The following RPS6KA2 variants were observed in gnomAD, a reference collection of about 807,000 sequenced individuals.
RPS6KA2 encodes ribosomal protein S6 kinase alpha-2.
In RPS6KA2, 42 loss-of-function variants were observed where a neutral mutation model predicts 91.8. That is an observed-to-expected ratio of 0.46 (90% CI 0.36 to 0.59). RPS6KA2 has a LOEUF of 0.59. Ranked by LOEUF, RPS6KA2 falls within the 20% of genes least tolerant of loss-of-function variation. RPS6KA2 has a pLI of 0.00. For synonymous variants in RPS6KA2, 414 were observed against 393.6 expected, an observed-to-expected ratio of 1.05 and a Z score of -0.61; for missense variants, 798 against 978.5, an observed-to-expected ratio of 0.82 and a Z score of 2.46.
intron 1 of RPS6KA2, among the ~76,000 whole-genome samples, chr6:166,572,686 C>A (rs1247563239): frequency 1.3e-5 from 2 of 152,204 alleles, no homozygotes; most frequent in African/African-American, 4.8e-5. Context: ...TGAACCTGGA[C>A]CAGCAAGGCC....
chr6:166,717,459 C>A (rs1027661091), intron 2 of RPS6KA2, among the ~76,000 whole-genome samples: 2 of 152,188 alleles, frequency 1.3e-5, no homozygotes, highest in African/African-American at 2.4e-5. Context: ...CTCTGCCACC[C>A]TGAGAATGGG....
intron 2 of RPS6KA2, among the ~76,000 whole-genome samples, chr6:166,781,524 G>A (rs987142092): frequency 1.3e-5 from 2 of 152,168 alleles, no homozygotes; most frequent in Admixed American, 6.5e-5. Context: ...CCCAAGTCAG[G>A]CAGGTTCACC....
intron 16 of RPS6KA2, among the ~76,000 whole-genome samples, chr6:166,430,185 G>A (rs1017619808): frequency 4.0e-5 from 6 of 151,796 alleles, no homozygotes; most frequent in Non-Finnish European, 7.4e-5. Flanking sequence ...GGCTAGGCTG[G>A]TCGCGAACTC....
chr6:166,850,672 C>T, intron 2 of RPS6KA2, among the ~76,000 whole-genome samples: 1 of 152,182 alleles, frequency 6.6e-6, no homozygotes, highest in East Asian at 1.9e-4. Flanking sequence ...GCCCCTGCGT[C>T]CTCCTCAGGA....
chr6:166,860,062 T>C (rs1446845513), intron 1 of RPS6KA2, among the ~76,000 whole-genome samples: 1 of 152,196 alleles, frequency 6.6e-6, no homozygotes, highest in Non-Finnish European at 1.5e-5. Context: ...CCATGCAACA[T>C]AAAACATGGA....
Position 166,498,537 on chromosome 6 carries a change from C to A in RPS6KA2, c.718G>T (p.Ala240Ser). The A allele has an allele frequency of 6.2e-7, 1 of 1,612,800 alleles. No individual in the cohort carries two copies. Among genetic ancestry groups the A allele is most frequent in the Non-Finnish European group, 8.5e-7 (1 of 1,179,756 alleles). The change falls in exon 8 of 21, where the codon GCC (alanine) becomes TCC (serine). Residue 240 changes from alanine to serine, a missense_variant. Physicochemically the swap from Ala to Ser is moderately conservative, Grantham distance 99. Coordinates refer to ENST00000265678, the MANE Select transcript of RPS6KA2 (RefSeq NM_021135.6). ...VVNRRGHTQS[A>S]DWWSFGVLMF... ...AGCACGCCGAAGGACCACCAGTCGG[C>A]ACTCTGCGTGTGTCCTCGCCGGTTC...
chr6:166,798,921 G>C (rs776177264), intron 2 of RPS6KA2, among the ~76,000 whole-genome samples: 1 of 152,210 alleles, frequency 6.6e-6, no homozygotes, highest in East Asian at 1.9e-4. Context: ...CAGTGACTAA[G>C]GAAACCAGCC....
In RPS6KA2 at chr6:166,852,691, T is replaced by C. The variant is rs1477584365; in HGVS notation, c.123+5509A>G. 2.0e-5 allele frequency among the ~76,000 whole-genome samples: 3 copies of C among 152,008 alleles called. No homozygotes were observed. Among genetic ancestry groups the C allele is most frequent in the African/African-American group, 7.2e-5 (3 of 41,402 alleles). On this transcript the variant is annotated intron_variant, in intron 2 of 21. Transcript: ENST00000503859. This position sits in a 1 kb window ranked among gnomAD's most constrained non-coding sequence, Gnocchi z 4.1. ...GCTCGGCAACTCCGGGAGCTGGGCA[T>C]TGGAGGAGGCCACGCTGACACGCTC...
intron 13 of RPS6KA2, among the ~76,000 whole-genome samples, chr6:166,449,777 C>T (rs1188029796): frequency 7.4e-6 from 1 of 135,626 alleles, no homozygotes; most frequent in Non-Finnish European, 1.6e-5. Flanking sequence ...GAGACCATTA[C>T]AGGGACCACC....
intron 2 of RPS6KA2, among the ~76,000 whole-genome samples, chr6:166,802,857 A>C (rs1779403432): frequency 6.6e-6 from 1 of 152,132 alleles, no homozygotes; most frequent in Non-Finnish European, 1.5e-5. Context: ...ATGTAACCAT[A>C]ATGTTAAATT....
intron 2 of RPS6KA2, among the ~76,000 whole-genome samples, chr6:166,661,398 G>T (rs1338656789): frequency 6.6e-6 from 1 of 152,198 alleles, no homozygotes; most frequent in Non-Finnish European, 1.5e-5. Context: ...CCGCTGTATG[G>T]CCAAAATCTT....
At chr6:166,453,757 T>G (rs1779994443) in intron 12 of RPS6KA2, among the ~76,000 whole-genome samples, 1 of 152,234 alleles carries the variant, frequency 6.6e-6, no homozygotes, top group South Asian at 2.1e-4. Flanking sequence ...CTTGGAAGCT[T>G]ACTGCAGCAC....
At chr6:166,833,753 T>G (rs1213259363) in intron 2 of RPS6KA2, among the ~76,000 whole-genome samples, 2 of 152,256 alleles carry the variant, frequency 1.3e-5, no homozygotes, top group African/African-American at 4.8e-5. Context: ...ACAATCTGTT[T>G]ATCTATTCAC....
At chr6:166,855,459 AGAG>A (rs60621796) in intron 2 of RPS6KA2, among the ~76,000 whole-genome samples, 20 of 144,788 alleles carry the variant, frequency 1.4e-4, no homozygotes, top group African/African-American at 4.4e-4. Context: ...AGGAAGAAGA[AGAG>A]GAAGAGGAAG....
intron 1 of RPS6KA2, among the ~76,000 whole-genome samples, chr6:166,625,314 A>G (rs1267829187): frequency 1.0e-5 from 1 of 99,226 alleles, no homozygotes; most frequent in South Asian, 4.1e-4. Flanking sequence ...CTCGTTTCCT[A>G]TTCCCACCAC....
chr6:166,510,420 A>G (rs564245991), intron 3 of RPS6KA2, 63 bp from the exon 4 acceptor site: 2 of 1,040,850 alleles, frequency 1.9e-6, no homozygotes, highest in South Asian at 3.1e-5. Flanking sequence ...GGAACACTGA[A>G]CATGAAATAC....
intron 2 of RPS6KA2, among the ~76,000 whole-genome samples, chr6:166,673,344 G>C (rs1316514984): frequency 2.0e-5 from 3 of 151,600 alleles, no homozygotes; most frequent in Non-Finnish European, 4.4e-5. Context: ...TGTCCCCCCA[G>C]AGCTGTCATT....
At chr6:166,524,830 A>C (rs751688626) in intron 3 of RPS6KA2, among the ~76,000 whole-genome samples, 3 of 152,186 alleles carry the variant, frequency 2.0e-5, no homozygotes, top group Non-Finnish European at 4.4e-5. Flanking sequence ...CCCCAAGATG[A>C]CACAGCTCGT....
intron 13 of RPS6KA2, among the ~76,000 whole-genome samples, chr6:166,450,221 C>T (rs369319688): frequency 6.8e-6 from 1 of 147,088 alleles, no homozygotes; most frequent in African/African-American, 2.5e-5. Flanking sequence ...CTAGGGACCA[C>T]CACAGGAACC....
Sources: allele counts gnomAD v4.1 joint callset (sites outside exome capture counted in the v4.1 genomes callset), GRCh38; gene constraint gnomAD v4.1.1; non-coding constraint Gnocchi (gnomAD v3.1); transcripts MANE v1.5; gene names NCBI Gene and HGNC (gene_info 2026-07-23, HGNC 2026-07-21).